The following SLC14A2 variants were observed in gnomAD, a reference collection of about 807,000 sequenced individuals.
SLC14A2 encodes the protein solute carrier family 14 member 2.
SLC14A2 carries 91 observed loss-of-function variants against 104.6 expected under a neutral mutation model. The observed-to-expected ratio is 0.87, with a 90% confidence interval of 0.73 to 1.04. The LOEUF is 1.04. Among genes scored for constraint, SLC14A2 ranks in the 50% least tolerant of loss-of-function variants. The probability of loss-of-function intolerance (pLI) is 0.00; values close to 1 mark genes in which losing one functional copy is unlikely to be tolerated. For synonymous variants in SLC14A2, 476 were observed against 466.4 expected (o/e 1.02, Z -0.27); for missense variants, 1,189 against 1,156.0 (o/e 1.03, Z -0.41).
In SLC14A2 at chr18:45,534,528, G is replaced by A. The variant is rs150453433; in HGVS notation, c.-35+51206G>A. 1.0e-3 allele frequency among the ~76,000 whole-genome samples: 154 copies of A among 152,134 alleles called. 1 individual carries two copies. Among genetic ancestry groups the A allele is most frequent in the African/African-American group, 3.3e-3 (136 of 41,488 alleles). On this transcript the variant is annotated intron_variant, in intron 2 of 20. Transcript: ENST00000586448. ...CAGAAACACTTGAGATCAAGGCCTCGTAAATTTAATCCTCTAATGAATAAT... is the reference window on the plus strand; with the variant it reads ...CAGAAACACTTGAGATCAAGGCCTCATAAATTTAATCCTCTAATGAATAAT...
chr18:45,383,115 A>G (rs1450280592), intron 1 of SLC14A2, among the ~76,000 whole-genome samples: 1 of 152,246 alleles, frequency 6.6e-6, no homozygotes, highest in Non-Finnish European at 1.5e-5. Flanking sequence ...ATTTGACAGA[A>G]AAGCAAACTA....
chr18:45,412,915 G>C (rs898559577), intron 1 of SLC14A2, among the ~76,000 whole-genome samples: 4 of 152,186 alleles, frequency 2.6e-5, no homozygotes, highest in African/African-American at 9.6e-5. Context: ...AAGAATTTGG[G>C]ACAAGTGTCA....
At chr18:45,271,566 C>T (rs1229415297) in intron 1 of SLC14A2, among the ~76,000 whole-genome samples, 1 of 151,922 alleles carries the variant, frequency 6.6e-6, no homozygotes, top group Admixed American at 6.6e-5. Context: ...TTACAATAGC[C>T]ACAAATTGAA....
the SLC14A2 span, among the ~76,000 whole-genome samples, chr18:45,196,820 G>T: frequency 6.6e-6 from 1 of 152,226 alleles, no homozygotes; most frequent in Non-Finnish European, 1.5e-5. Context: ...TTCTCAAAGG[G>T]CTTTTCCATT....
intron 1 of SLC14A2, among the ~76,000 whole-genome samples, chr18:45,301,746 A>G (rs1207152962): frequency 1.3e-5 from 2 of 152,190 alleles, no homozygotes; most frequent in Non-Finnish European, 2.9e-5. Context: ...TTGTCTCCAT[A>G]ACATCAATTG....
intron 2 of SLC14A2, among the ~76,000 whole-genome samples, chr18:45,494,271 G>T (rs1315661164): frequency 1.3e-5 from 2 of 152,132 alleles, no homozygotes; most frequent in African/African-American, 4.8e-5. Flanking sequence ...TACATTCATG[G>T]TCCCTTCCTC....
At chr18:45,385,570 T>C (rs948476252) in intron 1 of SLC14A2, among the ~76,000 whole-genome samples, 2 of 152,214 alleles carry the variant, frequency 1.3e-5, no homozygotes, top group Non-Finnish European at 2.9e-5. Flanking sequence ...TAATATTCAA[T>C]ATATGTCAGG....
intron 2 of SLC14A2, among the ~76,000 whole-genome samples, chr18:45,591,170 CTT>C (rs2044641613): frequency 6.6e-6 from 1 of 152,188 alleles, no homozygotes; most frequent in African/African-American, 2.4e-5. Context: ...TCTCCTTACT[CTT>C]CTGATATGCA....
chr18:45,432,180 G>A (rs1192423465), intron 1 of SLC14A2, among the ~76,000 whole-genome samples: 1 of 152,086 alleles, frequency 6.6e-6, no homozygotes. Context: ...AAAAATAGCA[G>A]TGTTGGAAAG....
intron 1 of SLC14A2, among the ~76,000 whole-genome samples, chr18:45,237,224 A>G (rs541726839): frequency 6.6e-6 from 1 of 152,338 alleles, no homozygotes; most frequent in Middle Eastern, 3.4e-3. Context: ...CTCTTCTGAC[A>G]TTTGAAATGA....
At chr18:45,343,179 TA>T (rs752003755) in intron 1 of SLC14A2, among the ~76,000 whole-genome samples, 132 of 143,854 alleles carry the variant, frequency 9.2e-4, no homozygotes, top group Middle Eastern at 7.1e-3. Flanking sequence ...AGCAAAACCC[TA>T]ACCCAACTCC....
intron 1 of SLC14A2, among the ~76,000 whole-genome samples, chr18:45,441,064 C>T (rs919778995): frequency 6.6e-6 from 1 of 152,160 alleles, no homozygotes; most frequent in Non-Finnish European, 1.5e-5. Context: ...GGATTTGAAA[C>T]CATCTGACTG....
intron 1 of SLC14A2, among the ~76,000 whole-genome samples, chr18:45,339,142 T>G (rs1048149499): frequency 1.3e-5 from 2 of 152,174 alleles, no homozygotes; most frequent in Non-Finnish European, 2.9e-5. Flanking sequence ...TTGTTTGTTT[T>G]TAGTAGAGAT....
intron 10 of SLC14A2, among the ~76,000 whole-genome samples, chr18:45,661,642 T>C (rs1467266567): frequency 6.6e-6 from 1 of 152,202 alleles, no homozygotes; most frequent in Non-Finnish European, 1.5e-5. Flanking sequence ...AAGGTCAAAC[T>C]AGGATTACCA....
chr18:45,643,112 T>G lies in SLC14A2; in HGVS notation c.1127-20T>G. ...GAAGGCCCTGGGAAGCTCACTCTGG[T>G]GATCCTTGTTCCTCCACAGCCCTGT... On this transcript the variant is annotated intron_variant, in intron 8 of 19. Transcript: ENST00000255226. 1 of 1,613,864 alleles carries G rather than the reference T, an allele frequency of 6.2e-7. No individual in the cohort carries two copies.
intron 1 of SLC14A2, among the ~76,000 whole-genome samples, chr18:45,247,512 T>C (rs1002459605): frequency 6.6e-6 from 1 of 152,174 alleles, no homozygotes; most frequent in African/African-American, 2.4e-5. Context: ...TTACAAGCAT[T>C]TGTTGATTTC....
intron 1 of SLC14A2, among the ~76,000 whole-genome samples, chr18:45,309,982 A>AT (rs34459977): frequency 0.17 from 25,273 of 149,664 alleles, 2,301 homozygotes; most frequent in African/African-American, 0.23. Flanking sequence ...AGGTATCCTG[A>AT]TTTTTTTTTT....
intron 1 of SLC14A2, among the ~76,000 whole-genome samples, chr18:45,293,437 A>G (rs1264661551): frequency 1.3e-5 from 2 of 152,140 alleles, no homozygotes; most frequent in Non-Finnish European, 2.9e-5. Context: ...AAATATATAT[A>G]TGCAATTATA....
chr18:45,411,575 C>T (rs1189105130), intron 1 of SLC14A2, among the ~76,000 whole-genome samples: 1 of 152,168 alleles, frequency 6.6e-6, no homozygotes, highest in Admixed American at 6.6e-5. Flanking sequence ...TCTTCTAGAT[C>T]GCTATCCACT....
Sources: gnomAD v4.1 joint callset for allele counts (sites outside exome capture counted in the v4.1 genomes callset) on GRCh38, gnomAD v4.1.1 for gene constraint, MANE v1.5 for transcripts, NCBI Gene and HGNC (gene_info 2026-07-23, HGNC 2026-07-21) for gene names.